Variants in MCTP2 observed in about 807,000 individuals in gnomAD.
MCTP2 encodes the protein multiple C2 and transmembrane domain-containing protein 2.
MCTP2 carries 132 observed loss-of-function variants against 111.6 expected under a neutral mutation model. The ratio of observed to expected loss-of-function variants is 1.18; its 90% confidence interval spans 1.03 to 1.37. The LOEUF (loss-of-function observed/expected upper bound fraction) is 1.37, where lower values mean the gene tolerates loss of function less well. Ranked by LOEUF, MCTP2 falls within the 40% of genes most tolerant of loss-of-function variation. The probability of loss-of-function intolerance (pLI) is 0.00; values close to 1 mark genes in which losing one functional copy is unlikely to be tolerated. For missense variants in MCTP2, 1,183 were observed against 1,067.9 expected, an observed-to-expected ratio of 1.11 and a Z score of -1.50; for synonymous variants, 395 against 387.7, an observed-to-expected ratio of 1.02 and a Z score of -0.22.
intron 4 of MCTP2, among the ~76,000 whole-genome samples, chr15:94,321,117 C>T (rs189467416): frequency 6.0e-4 from 92 of 152,090 alleles, no homozygotes; most frequent in Non-Finnish European, 8.1e-4. Context: ...AAAGTTGATC[C>T]GTGGAGACAG....
At position 94,370,130 on chromosome 15, in the gene MCTP2, T is replaced by C; in HGVS notation, c.1532T>C (p.Leu511Pro). Residue 511 changes from leucine (L) to proline (P), a missense_variant, in exon 12 of 23, where the codon CTA becomes CCA. Leu to Pro is a moderately conservative substitution (Grantham distance 98). Transcript: ENST00000357742. The part of the protein sequence containing the change: ...SLKDVKDVGI[L>P]QVKVLKAADL... The stretch of plus-strand genomic sequence containing the variant: ...AAAGATGTGAAAGACGTCGGCATTC[T>C]ACAAGTGAAGGTTTTAAAGGCAGCA... The C allele has an allele frequency of 6.2e-7, 1 of 1,613,494 alleles. No homozygotes were observed. The highest frequency in any genetic ancestry group is 8.5e-7 in the Non-Finnish European group (1 of 1,179,694).
At chr15:94,333,454 G>A (rs560404788) in intron 4 of MCTP2, among the ~76,000 whole-genome samples, 2 of 150,294 alleles carry the variant, frequency 1.3e-5, no homozygotes, top group South Asian at 4.2e-4. Context: ...CAAAAAAAAA[G>A]CAAAGAGAAG....
chr15:94,269,433 A>G (rs552834874), intron 1 of MCTP2, among the ~76,000 whole-genome samples: 4 of 152,340 alleles, frequency 2.6e-5, no homozygotes, highest in Non-Finnish European at 4.4e-5. Context: ...TAGACAGATA[A>G]TAGAGTAGAT....
At chr15:94,476,605 C>CAGATAGATAGATAGAT (rs10574224) in intron 21 of MCTP2, 91 bp from the exon 22 acceptor site, 6 of 637,606 alleles carry the variant, frequency 9.4e-6, no homozygotes, top group Non-Finnish European at 8.1e-6. Context: ...GATTGACTGA[C>CAGATAGATAGATAGAT]AGATAGATAG....
chr15:94,314,343 C>G lies in MCTP2; in HGVS notation c.527C>G (p.Ser176Cys), dbSNP rs772412690. ...SMTSQHFEEQ[S>C]VPGEASDGLS... ...ACATCTCAACATTTTGAAGAACAAT[C>G]TGTGAGTGGCATTCCTTAAAAAGAA... The change falls in exon 3 of 23, where the codon TCT becomes TGT. Residue 176 changes from serine (S) to cysteine (C), a missense_variant and splice_region_variant. By Grantham distance (112) the Ser-to-Cys change is moderately radical (BLOSUM62 -1). Transcript: ENST00000357742. 17 of 1,590,714 alleles carry G rather than the reference C, an allele frequency of 1.1e-5. No individual in the cohort carries two copies. The East Asian group carries it at 3.6e-4, about 33-fold the overall frequency.
chr15:94,338,358 T>C (rs2152400400), intron 4 of MCTP2, among the ~76,000 whole-genome samples: 1 of 152,332 alleles, frequency 6.6e-6, no homozygotes, highest in African/African-American at 2.4e-5. Flanking sequence ...TGATTGCTCA[T>C]TCATTTGTGC....
intron 14 of MCTP2, among the ~76,000 whole-genome samples, chr15:94,389,745 TGAA>T (rs1456712408): frequency 6.6e-6 from 1 of 152,150 alleles, no homozygotes; most frequent in Admixed American, 6.5e-5. Context: ...TTGTATTTCT[TGAA>T]GAGGAATGTG....
chr15:94,377,627 A>G (rs1449799486), intron 12 of MCTP2, among the ~76,000 whole-genome samples: 1 of 152,144 alleles, frequency 6.6e-6, no homozygotes, highest in Non-Finnish European at 1.5e-5. Context: ...TACCTTTTCT[A>G]TTCTCTGTGA....
Position 94,479,002 on chromosome 15 carries a change from A to G in MCTP2, c.2605A>G (p.Ser869Gly), listed in dbSNP as rs2074592220. 1 of 1,614,132 alleles carries G rather than the reference A, an allele frequency of 6.2e-7. No individual in the cohort carries two copies. Among genetic ancestry groups the G allele is most frequent in the Middle Eastern group, 1.7e-4 (1 of 6,058 alleles). ...AGAATTGAAACTCTGCAGCAGCCAC[A>G]GCCCCCTGCGGAAGAAGCGCAGCGC... ...YAELKLCSSH[S>G]PLRKKRSAL Residue 869 changes from serine (S) to glycine (G), a missense_variant, in exon 23 of 23, where the codon AGC (serine) becomes GGC (glycine). By Grantham distance (56) the Ser-to-Gly change is moderately conservative. Coordinates refer to ENST00000357742, the MANE Select transcript of MCTP2 (RefSeq NM_001385001.1).
At chr15:94,370,530 T>G (rs186926400) in intron 12 of MCTP2, among the ~76,000 whole-genome samples, 3 of 152,332 alleles carry the variant, frequency 2.0e-5, no homozygotes, top group Admixed American at 2.0e-4. Context: ...CTTCTCGCCT[T>G]TTGCTGCTCT....
At chr15:94,414,708 AC>A (rs1173881852) in intron 17 of MCTP2, among the ~76,000 whole-genome samples, 1 of 151,962 alleles carries the variant, frequency 6.6e-6, no homozygotes, top group Non-Finnish European at 1.5e-5. Context: ...GTTGTTTATC[AC>A]TCATGGTATT....
chr15:94,476,260 C>A, intron 21 of MCTP2: 1 of 154,740 alleles, frequency 6.5e-6, no homozygotes, highest in Non-Finnish European at 1.4e-5. Context: ...CTAATGAAGG[C>A]CTTTTCCCAT....
At chr15:94,312,909 C>A (rs1399067432) in intron 2 of MCTP2, among the ~76,000 whole-genome samples, 1 of 152,014 alleles carries the variant, frequency 6.6e-6, no homozygotes, top group Non-Finnish European at 1.5e-5. Context: ...CTGGACAGAG[C>A]GAATGTGTGT....
At chr15:94,380,880 C>A (rs1335130122) in intron 12 of MCTP2, among the ~76,000 whole-genome samples, 1 of 152,272 alleles carries the variant, frequency 6.6e-6, no homozygotes, top group South Asian at 2.1e-4. Flanking sequence ...TAAGTGAACC[C>A]CCCCCTTACT....
At chr15:94,390,061 T>C (rs1236980486) in intron 14 of MCTP2, among the ~76,000 whole-genome samples, 7 of 8,318 alleles carry the variant, frequency 8.4e-4, no homozygotes, top group South Asian at 4.7e-3. Flanking sequence ...TATATATATA[T>C]ATATATATAT....
chr15:94,442,885 G>T, intron 18 of MCTP2, 34 bp from the exon 19 acceptor site: 2 of 1,593,750 alleles, frequency 1.3e-6, no homozygotes, highest in Middle Eastern at 1.7e-4. Flanking sequence ...AATTTCGGTT[G>T]ATGTTTCTAT....
intron 14 of MCTP2, among the ~76,000 whole-genome samples, chr15:94,386,574 A>G (rs1406504958): frequency 1.3e-5 from 2 of 152,214 alleles, no homozygotes; most frequent in Admixed American, 6.5e-5. Flanking sequence ...CTCCTGCCAC[A>G]TGCTCTGAGC....
chr15:94,322,665 C>T (rs1179856245), intron 4 of MCTP2, among the ~76,000 whole-genome samples: 1 of 152,182 alleles, frequency 6.6e-6, no homozygotes, highest in Non-Finnish European at 1.5e-5. Context: ...ACATCTACAA[C>T]AAAGATGGTA....
intron 14 of MCTP2, among the ~76,000 whole-genome samples, chr15:94,394,561 C>T (rs886159528): frequency 4.0e-5 from 6 of 151,886 alleles, no homozygotes; most frequent in South Asian, 2.1e-4. Context: ...GTCAGGAGAT[C>T]GAGACCATCC....
Sources: allele counts gnomAD v4.1 joint callset (sites outside exome capture counted in the v4.1 genomes callset), GRCh38; gene constraint gnomAD v4.1.1; transcripts MANE v1.5; gene names NCBI Gene and HGNC (gene_info 2026-07-23, HGNC 2026-07-21).